ACOT1: variants seen among roughly 807,000 people sequenced by gnomAD.
The protein encoded by ACOT1 is acyl-coenzyme A thioesterase 1.
In ACOT1, 8 loss-of-function variants were observed where a neutral mutation model predicts 15.7. That is an observed-to-expected ratio of 0.51 (90% CI 0.30 to 0.92). The LOEUF is 0.92. ACOT1 is among the 40% of genes least tolerant of loss of function. The probability of loss-of-function intolerance (pLI) is 0.06; values close to 1 mark genes in which losing one functional copy is unlikely to be tolerated. For missense variants in ACOT1, 151 were observed against 539.4 expected (o/e 0.28, Z 7.13); for synonymous variants, 67 against 241.2 (o/e 0.28, Z 6.69).
At chr14:73,509,058 G>A in the ACOT1 span, among the ~76,000 whole-genome samples, 2 of 151,952 alleles carry the variant, frequency 1.3e-5, no homozygotes, top group Non-Finnish European at 2.9e-5. Flanking sequence ...ATAGAGATGG[G>A]GTCTTGTTAT....
the ACOT1 span, among the ~76,000 whole-genome samples, chr14:73,526,507 G>A: frequency 6.6e-6 from 1 of 151,674 alleles, no homozygotes; most frequent in South Asian, 2.1e-4. Context: ...CTCCAGACAG[G>A]GCAGCTCAGG....
At chr14:73,518,980 T>C in the ACOT1 span, 1 of 1,575,440 alleles carries the variant, frequency 6.3e-7, no homozygotes, top group African/African-American at 1.3e-5. Context: ...GTAGCCACAT[T>C]CCCGTTATTA....
At chr14:73,525,688 C>T in the ACOT1 span, among the ~76,000 whole-genome samples, 1 of 152,146 alleles carries the variant, frequency 6.6e-6, no homozygotes, top group African/African-American at 2.4e-5. Flanking sequence ...TGCGGTGGCT[C>T]ACGTCAGTAA....
At chr14:73,515,390 T>A in the ACOT1 span, among the ~76,000 whole-genome samples, 1 of 151,724 alleles carries the variant, frequency 6.6e-6, no homozygotes, top group South Asian at 2.1e-4. Flanking sequence ...GTAAAAAGAG[T>A]CCTGTGAGGC....
chr14:73,537,910 C>A, intron 1 of ACOT1, 32 bp downstream of exon 1: 1 of 1,161,272 alleles, frequency 8.6e-7, no homozygotes, highest in Non-Finnish European at 1.1e-6. Context: ...TTCCCCTCTG[C>A]CCATCCCTGT....
the ACOT1 span, among the ~76,000 whole-genome samples, chr14:73,523,706 C>T: frequency 1.4e-4 from 22 of 152,286 alleles, no homozygotes; most frequent in African/African-American, 4.6e-4. Context: ...GTGTCCTCTA[C>T]ATGAAATGGC....
At chr14:73,493,394 T>C in the ACOT1 span, 25 of 387,536 alleles carry the variant, frequency 6.5e-5, no homozygotes, top group South Asian at 2.2e-4. Flanking sequence ...CAAAGAATGT[T>C]TCCCTTTCCT....
the ACOT1 span, among the ~76,000 whole-genome samples, chr14:73,503,409 C>G: frequency 6.6e-6 from 1 of 152,160 alleles, no homozygotes; most frequent in Non-Finnish European, 1.5e-5. Flanking sequence ...GGTTTTGGTC[C>G]TGAAAGTCCC....
the ACOT1 span, among the ~76,000 whole-genome samples, chr14:73,500,279 C>CTT: frequency 1.4e-5 from 2 of 139,944 alleles, no homozygotes; most frequent in Admixed American, 7.2e-5. Context: ...ATGCACGGAC[C>CTT]TTTTTTTTTT....
the ACOT1 span, chr14:73,492,418 A>G: frequency 5.0e-6 from 8 of 1,613,788 alleles, no homozygotes; most frequent in East Asian, 2.2e-5. The surrounding 1 kb of genome is among the most constrained non-coding windows in gnomAD (Gnocchi z 4.9). Flanking sequence ...CCCAGCATTC[A>G]GATTCTAAGG....
chr14:73,523,100 G>C, the ACOT1 span: 1 of 1,610,636 alleles, frequency 6.2e-7, no homozygotes, highest in Non-Finnish European at 8.5e-7. Flanking sequence ...TGGGGGCAGT[G>C]ACTGATAGAA....
intron 1 of ACOT1, among the ~76,000 whole-genome samples, chr14:73,540,692 A>G (rs1889046964): frequency 8.2e-6 from 1 of 121,804 alleles, no homozygotes; most frequent in Admixed American, 8.9e-5. Context: ...GTTTGCGGGT[A>G]TCAGCACTGA....
upstream of ACOT1, among the ~76,000 whole-genome samples, chr14:73,536,519 A>G (rs1213340439): frequency 2.0e-5 from 2 of 98,830 alleles, no homozygotes; most frequent in African/African-American, 6.3e-5. Context: ...GTCTCTTTAA[A>G]AAAAAAAAAA....
the ACOT1 span, among the ~76,000 whole-genome samples, chr14:73,513,662 G>A: frequency 7.3e-6 from 1 of 137,892 alleles, no homozygotes; most frequent in Non-Finnish European, 1.5e-5. Context: ...AGGAAGCAGA[G>A]GTTGCAGTAA....
the ACOT1 span, among the ~76,000 whole-genome samples, chr14:73,501,319 G>A: frequency 6.6e-6 from 1 of 152,004 alleles, no homozygotes; most frequent in Non-Finnish European, 1.5e-5. Context: ...TAGAGATGGG[G>A]TTTCACTATG....
At chr14:73,539,007 A>C (rs1478841157) in intron 1 of ACOT1, among the ~76,000 whole-genome samples, 3 of 115,992 alleles carry the variant, frequency 2.6e-5, no homozygotes, top group African/African-American at 8.4e-5. Context: ...ACAACAACAA[A>C]AAATTTTCAA....
chr14:73,530,812 T>C, the ACOT1 span, among the ~76,000 whole-genome samples: 1 of 86,620 alleles, frequency 1.2e-5, no homozygotes, highest in Non-Finnish European at 2.5e-5. Flanking sequence ...TTTTTTTTTT[T>C]TTTTTTTGTA....
At chr14:73,528,105 C>T in the ACOT1 span, among the ~76,000 whole-genome samples, 10 of 151,082 alleles carry the variant, frequency 6.6e-5, no homozygotes, top group African/African-American at 2.4e-4. Flanking sequence ...ATTAGAAATT[C>T]TTAAGGAGGC....
At chr14:73,499,076 A>T in the ACOT1 span, 1 of 1,613,982 alleles carries the variant, frequency 6.2e-7, no homozygotes, top group Non-Finnish European at 8.5e-7. Flanking sequence ...AATACCTCGA[A>T]TGGCAAAGGC....
Sources: gnomAD v4.1 joint callset for allele counts (sites outside exome capture counted in the v4.1 genomes callset) on GRCh38, gnomAD v4.1.1 for gene constraint, Gnocchi (gnomAD v3.1) non-coding constraint, MANE v1.5 for transcripts, NCBI Gene and HGNC (gene_info 2026-07-23, HGNC 2026-07-21) for gene names.